The following GRIP2 variants were observed in gnomAD, a reference collection of about 807,000 sequenced individuals.
The protein encoded by GRIP2 is glutamate receptor-interacting protein 2.
In GRIP2, 58 loss-of-function variants were observed where a neutral mutation model predicts 108.3. The observed-to-expected ratio is 0.54, with a 90% CI of 0.43 to 0.67. The LOEUF (loss-of-function observed/expected upper bound fraction) is 0.67. GRIP2 is among the 30% of genes least tolerant of loss of function. The pLI, the probability that GRIP2 is intolerant of heterozygous loss-of-function variation, is 0.00. For synonymous variants in GRIP2, 586 were observed against 598.2 expected, an observed-to-expected ratio of 0.98 and a Z score of 0.30; for missense variants, 1,278 against 1,430.6, an observed-to-expected ratio of 0.89 and a Z score of 1.72.
chr3:14,572,384 G>A, the GRIP2 span, among the ~76,000 whole-genome samples: 3,642 of 151,540 alleles, frequency 0.024, 177 homozygotes, highest in African/African-American at 0.083. Context: ...GAGGCCGAAT[G>A]GGCGGATCAC....
rs1168026878 is a variant in GRIP2, at chr3:14,511,279, G to A, written c.1819C>T (p.Leu607=). The change falls in exon 16 of 24, where the codon CTG becomes TTG. Residue 607 remains leucine, a synonymous_variant. Coordinates refer to ENST00000621039, the MANE Select transcript of GRIP2 (RefSeq NM_001080423.4). The surrounding 1 kb of genome is among the most constrained non-coding windows in gnomAD (Gnocchi z 4.1). The part of the protein sequence containing the change: ...TGTLEPGDKL[L]AIDNIRLDNC... ...TCCAGGCGGATATTGTCAATGGCCAGTAGCTTGTCGCCTGGCTCCAGGGTG... is the reference window on the plus strand; with the variant it reads ...TCCAGGCGGATATTGTCAATGGCCAATAGCTTGTCGCCTGGCTCCAGGGTG... 1.2e-6 allele frequency: 2 copies of A among 1,613,916 alleles called. No homozygotes were observed. The highest frequency in any genetic ancestry group is 3.3e-5 in the Admixed American group (2 of 60,016).
At chr3:14,533,965 C>T (rs1694772406) in intron 1 of GRIP2, among the ~76,000 whole-genome samples, 2 of 152,194 alleles carry the variant, frequency 1.3e-5, no homozygotes, top group Non-Finnish European at 2.9e-5. Flanking sequence ...CGAGAGACTT[C>T]CCTAGGCATC....
the GRIP2 span, among the ~76,000 whole-genome samples, chr3:14,585,992 G>A: frequency 5.3e-5 from 8 of 152,192 alleles, no homozygotes; most frequent in East Asian, 9.7e-4. Context: ...CTGGCACCCC[G>A]GCTAAGCTCT....
upstream of GRIP2, among the ~76,000 whole-genome samples, chr3:14,545,066 G>C (rs922969977): frequency 6.6e-6 from 1 of 152,212 alleles, no homozygotes; most frequent in African/African-American, 2.4e-5. Flanking sequence ...CAAGGCCACA[G>C]GCCAAGGAGG....
In GRIP2 at chr3:14,522,887, A is replaced by G; in HGVS notation, c.566+113T>C. The G allele has an allele frequency of 1.2e-6, 1 of 860,652 alleles. No homozygotes were observed. The highest frequency in any genetic ancestry group is 2.0e-6 in the Non-Finnish European group (1 of 506,844). The allele number at this position is 860,652 out of a possible 1,614,324, so 53.3% of individuals were successfully genotyped here. A position where few individuals can be genotyped will look rare whatever the true frequency, so the allele number is the denominator to read the frequency against. ...GACACCGGGCAGGGAGTGTTCCCTC[A>G]GGGCCTCGATCTCTTCATCTGGGGA... On this transcript the variant is annotated intron_variant, in intron 6 of 23. Coordinates refer to ENST00000621039, the MANE Select transcript of GRIP2 (RefSeq NM_001080423.4). The surrounding 1 kb of genome is among the most constrained non-coding windows in gnomAD (Gnocchi z 4.3).
chr3:14,581,383 A>G, the GRIP2 span, among the ~76,000 whole-genome samples: 10 of 152,244 alleles, frequency 6.6e-5, no homozygotes, highest in South Asian at 2.1e-3. Context: ...GTTGGGTGAG[A>G]GCAGCAGGAG....
At chr3:14,601,352 T>G in the GRIP2 span, among the ~76,000 whole-genome samples, 2 of 152,080 alleles carry the variant, frequency 1.3e-5, no homozygotes, top group African/African-American at 4.8e-5. Flanking sequence ...TCTGCGAGAT[T>G]TCCTTCTTAA....
At chr3:14,548,336 A>G (rs1695088964) in intron 1 of GRIP2, among the ~76,000 whole-genome samples, 2 of 151,986 alleles carry the variant, frequency 1.3e-5, no homozygotes, top group Admixed American at 6.5e-5. Context: ...ACATTTAGGA[A>G]GGATCAGGCT....
In GRIP2 at chr3:14,489,900, C is replaced by T. The variant is rs1461899457; in HGVS notation, c.*3765G>A. 1 of 152,184 alleles carries T rather than the reference C, an allele frequency of 6.6e-6. No homozygotes were observed. The highest frequency in any genetic ancestry group is 2.4e-5 in the African/African-American group (1 of 41,426). 9.4% of individuals were successfully genotyped at this position (152,184 alleles called of 1,614,324 possible). On this transcript the variant is annotated 3_prime_UTR_variant, in exon 24 of 24. Transcript: ENST00000621039. The stretch of plus-strand genomic sequence containing the variant: ...TCAGGTGCAGGCGCTCATTAATACC[C>T]AGTTAGGGGCTCTCTGGGGTCACAA...
At chr3:14,599,679 C>CTGTG in the GRIP2 span, among the ~76,000 whole-genome samples, 24 of 107,070 alleles carry the variant, frequency 2.2e-4, no homozygotes, top group South Asian at 3.3e-4. Flanking sequence ...CTCTCTCTCT[C>CTGTG]TCTCTCTGTG....
chr3:14,529,436 T>C lies in GRIP2; in HGVS notation c.41-3505A>G, dbSNP rs149179771. Among the ~76,000 whole-genome samples, 281 of 152,294 alleles carry C rather than the reference T, an allele frequency of 1.8e-3. 1 individual carries two copies. Among genetic ancestry groups the C allele is most frequent in the African/African-American group, 6.3e-3 (263 of 41,560 alleles). ...AAAACAAATCCTGGGCATAATGCAATTTCACCTTTAAATATTTCAATATGC... is the reference window on the plus strand; with the variant it reads ...AAAACAAATCCTGGGCATAATGCAACTTCACCTTTAAATATTTCAATATGC... On this transcript the variant is annotated intron_variant, in intron 1 of 23. Coordinates refer to ENST00000621039, the MANE Select transcript of GRIP2 (RefSeq NM_001080423.4).
the GRIP2 span, among the ~76,000 whole-genome samples, chr3:14,589,779 C>CTTT: frequency 0.011 from 1,306 of 119,004 alleles, 34 homozygotes; most frequent in Middle Eastern, 0.033. Flanking sequence ...ACAGACTACA[C>CTTT]TTTTTTTTTT....
At chr3:14,500,469 G>A (rs1693735884) in intron 21 of GRIP2, among the ~76,000 whole-genome samples, 1 of 152,126 alleles carries the variant, frequency 6.6e-6, no homozygotes, top group Admixed American at 6.5e-5. Context: ...CACAGAGAAA[G>A]AAATCCTCAA....
At chr3:14,519,139 G>A (rs748595884) in intron 9 of GRIP2, among the ~76,000 whole-genome samples, 18 of 152,190 alleles carry the variant, frequency 1.2e-4, no homozygotes, top group African/African-American at 1.7e-4. Flanking sequence ...AATGAATGAC[G>A]CTGTTTCAAG....
intron 20 of GRIP2, chr3:14,504,058 G>T (rs967829925): frequency 3.9e-6 from 1 of 257,888 alleles, no homozygotes; most frequent in Non-Finnish European, 7.6e-6. Context: ...CGGCACCGTG[G>T]GACAGTGACA....
chr3:14,592,734 T>C, the GRIP2 span, among the ~76,000 whole-genome samples: 1 of 152,210 alleles, frequency 6.6e-6, no homozygotes, highest in Non-Finnish European at 1.5e-5. Context: ...AATAGGCTGC[T>C]ACCTCCATTT....
chr3:14,556,182 T>G (rs1559357526), upstream of GRIP2: 1 of 391,612 alleles, frequency 2.6e-6, no homozygotes, highest in Non-Finnish European at 4.5e-6. Flanking sequence ...GCCTGGGGAG[T>G]GCAGTGCCGG....
intron 22 of GRIP2, among the ~76,000 whole-genome samples, chr3:14,495,805 C>A (rs956524568): frequency 6.6e-6 from 1 of 152,040 alleles, no homozygotes; most frequent in South Asian, 2.1e-4. Context: ...CACACACACA[C>A]GTAGAAGGGT....
chr3:14,546,263 G>A (rs775114426), upstream of GRIP2, among the ~76,000 whole-genome samples: 1 of 152,174 alleles, frequency 6.6e-6, no homozygotes, highest in African/African-American at 2.4e-5. Context: ...GGCAGGTGCA[G>A]CTAACGCACA....
Sources: allele counts gnomAD v4.1 joint callset (sites outside exome capture counted in the v4.1 genomes callset), GRCh38; gene constraint gnomAD v4.1.1; non-coding constraint Gnocchi (gnomAD v3.1); transcripts MANE v1.5; gene names NCBI Gene and HGNC (gene_info 2026-07-23, HGNC 2026-07-21).